SRBD1: variants seen among roughly 807,000 people sequenced by gnomAD.
SRBD1 encodes the protein S1 RNA binding domain 1, also known as S1 RNA-binding domain-containing protein 1.
Under a neutral mutation model 115.3 loss-of-function variants are expected in SRBD1, and 88 were observed. The ratio of observed to expected loss-of-function variants is 0.76; its 90% CI spans 0.64 to 0.91. The LOEUF is 0.91. Ranked by LOEUF, SRBD1 falls within the 40% of genes least tolerant of loss-of-function variation. The probability of loss-of-function intolerance (pLI) is 0.00; values close to 1 mark genes in which losing one functional copy is unlikely to be tolerated. For synonymous variants in SRBD1, 509 were observed against 407.7 expected (o/e 1.25, Z -2.99); for missense variants, 1,385 against 1,177.4 (o/e 1.18, Z -2.58).
At chr2:45,415,931 T>G (rs57343587) in intron 18 of SRBD1, among the ~76,000 whole-genome samples, 23,113 of 151,830 alleles carry the variant, frequency 0.15, 2,128 homozygotes, top group African/African-American at 0.25. Flanking sequence ...CAGACACCTA[T>G]TAACTCCAGA....
rs75252721 is a variant in SRBD1 at position 45,507,035 on chromosome 2, CA to C, written c.1875-18705del. 5.3e-5 allele frequency among the ~76,000 whole-genome samples: 8 copies of C among 152,064 alleles called. No homozygotes were observed. In the East Asian group the frequency reaches 1.5e-3, roughly 29 times the overall value. On this transcript the variant is annotated intron_variant, in intron 14 of 20. Coordinates refer to ENST00000263736, the MANE Select transcript of SRBD1 (RefSeq NM_018079.5). ...GTTTTTCATTAATATGGATAAAAACCAATTTGTGCTCATGTTTGGCGTATAG... is the reference window on the plus strand; with the variant it reads ...GTTTTTCATTAATATGGATAAAAACCATTTGTGCTCATGTTTGGCGTATAG...
At chr2:45,458,090 A>G (rs1669206796) in intron 16 of SRBD1, among the ~76,000 whole-genome samples, 1 of 152,016 alleles carries the variant, frequency 6.6e-6, no homozygotes, top group South Asian at 2.1e-4. Flanking sequence ...AAAATCCATT[A>G]TAATTTTAAA....
intron 16 of SRBD1, among the ~76,000 whole-genome samples, chr2:45,433,126 C>A (rs1668389517): frequency 6.6e-6 from 1 of 152,134 alleles, no homozygotes; most frequent in Admixed American, 6.6e-5. Flanking sequence ...CGACCATCAT[C>A]CACTCATGTC....
At chr2:45,489,214 C>G (rs1670216414) in intron 14 of SRBD1, among the ~76,000 whole-genome samples, 1 of 152,144 alleles carries the variant, frequency 6.6e-6, no homozygotes, top group Non-Finnish European at 1.5e-5. Flanking sequence ...TGGCTCTATA[C>G]CATGTGACCA....
chr2:45,392,036 C>T (rs945806435), intron 20 of SRBD1, among the ~76,000 whole-genome samples: 1 of 152,080 alleles, frequency 6.6e-6, no homozygotes, highest in Admixed American at 6.6e-5. Flanking sequence ...CTGAAACATC[C>T]ACATTGTGTG....
At chr2:45,517,100 G>C (rs1186540424) in intron 14 of SRBD1, among the ~76,000 whole-genome samples, 1 of 152,122 alleles carries the variant, frequency 6.6e-6, no homozygotes, top group Non-Finnish European at 1.5e-5. Flanking sequence ...CTTCAGAAGG[G>C]TTGTACTAAT....
At chr2:45,593,175 G>A (rs1673778113) in intron 4 of SRBD1, among the ~76,000 whole-genome samples, 1 of 152,032 alleles carries the variant, frequency 6.6e-6, no homozygotes, top group Admixed American at 6.6e-5. Context: ...CCTCTATAGA[G>A]TCTATTACGT....
intron 19 of SRBD1, among the ~76,000 whole-genome samples, chr2:45,404,461 A>G (rs1235750757): frequency 6.6e-6 from 1 of 152,052 alleles, no homozygotes; most frequent in Non-Finnish European, 1.5e-5. Context: ...TTTCCACTTC[A>G]TCCTCCACAG....
At chr2:45,598,604 CAA>C (rs562560787) in intron 4 of SRBD1, among the ~76,000 whole-genome samples, 2 of 114,410 alleles carry the variant, frequency 1.7e-5, no homozygotes, top group East Asian at 2.5e-4. Flanking sequence ...GACACCGTCT[CAA>C]AAAAAAAAAA....
chr2:45,424,672 T>C (rs572223673), intron 16 of SRBD1, among the ~76,000 whole-genome samples: 1 of 152,290 alleles, frequency 6.6e-6, no homozygotes, highest in South Asian at 2.1e-4. Context: ...CAGACATACA[T>C]ATACCCAAAC....
chr2:45,509,598 AACACACAC>A (rs1179307941), intron 14 of SRBD1, among the ~76,000 whole-genome samples: 1,855 of 125,514 alleles, frequency 0.015, 31 homozygotes, highest in African/African-American at 0.048. Flanking sequence ...TCCGTCTCAA[AACACACAC>A]ACACACACAC....
At chr2:45,419,758 C>A in intron 17 of SRBD1, 30 bp downstream of exon 17, 1 of 1,599,350 alleles carries the variant, frequency 6.3e-7, no homozygotes, top group Non-Finnish European at 8.6e-7. Context: ...ACTCAAGATT[C>A]TGTGATCTTC....
intron 1 of SRBD1, among the ~76,000 whole-genome samples, chr2:45,609,751 A>G (rs905176086): frequency 6.6e-6 from 1 of 152,190 alleles, no homozygotes; most frequent in Non-Finnish European, 1.5e-5. Flanking sequence ...GGCCTAAAAT[A>G]GGTTTCTCAA....
chr2:45,607,142 T>C (rs930230478), intron 1 of SRBD1, among the ~76,000 whole-genome samples: 4 of 152,328 alleles, frequency 2.6e-5, no homozygotes, highest in South Asian at 2.1e-4. Context: ...GTTATAAAGA[T>C]CATCCTTTCT....
chr2:45,585,835 T>C, intron 4 of SRBD1, 61 bp from the exon 5 acceptor site: 1 of 1,344,364 alleles, frequency 7.4e-7, no homozygotes, highest in Non-Finnish European at 1.0e-6. Context: ...ATATCATGTA[T>C]AATTTAAAAC....
intron 15 of SRBD1, among the ~76,000 whole-genome samples, chr2:45,485,211 G>C (rs1360135211): frequency 6.6e-6 from 1 of 152,144 alleles, no homozygotes; most frequent in Non-Finnish European, 1.5e-5. Context: ...TACTTCCAAA[G>C]TACTTGGCAC....
chr2:45,581,415 G>C (rs533618192), intron 6 of SRBD1, among the ~76,000 whole-genome samples: 1 of 152,222 alleles, frequency 6.6e-6, no homozygotes, highest in African/African-American at 2.4e-5. Flanking sequence ...AGCCCTCTCT[G>C]ATAAGCTTCA....
chr2:45,507,759 A>C (rs931813678), intron 14 of SRBD1, among the ~76,000 whole-genome samples: 1 of 151,968 alleles, frequency 6.6e-6, no homozygotes, highest in Non-Finnish European at 1.5e-5. Flanking sequence ...AATAATAATA[A>C]TAATAATCCA....
chr2:45,451,079 T>C (rs1325770433), intron 16 of SRBD1, among the ~76,000 whole-genome samples: 2 of 152,132 alleles, frequency 1.3e-5, no homozygotes, highest in Non-Finnish European at 2.9e-5. Flanking sequence ...TTGCAAATAA[T>C]GTCTTGAAAG....
Sources: gnomAD v4.1 joint callset for allele counts (sites outside exome capture counted in the v4.1 genomes callset) on GRCh38, gnomAD v4.1.1 for gene constraint, MANE v1.5 for transcripts, NCBI Gene and HGNC (gene_info 2026-07-23, HGNC 2026-07-21) for gene names.